Variants in STXBP5L observed in about 807,000 individuals in gnomAD.
The protein encoded by STXBP5L is syntaxin binding protein 5L, also known as syntaxin-binding protein 5-like.
A neutral mutation model predicts 144.5 loss-of-function variants in STXBP5L; 65 were observed. The observed-to-expected ratio is 0.45, with a 90% CI of 0.37 to 0.55. The LOEUF (loss-of-function observed/expected upper bound fraction) is 0.55. Ranked by LOEUF, STXBP5L falls within the 20% of genes least tolerant of loss-of-function variation. The probability of loss-of-function intolerance (pLI) is 0.00; values close to 1 mark genes in which losing one functional copy is unlikely to be tolerated. For missense variants in STXBP5L, 1,298 were observed against 1,405.5 expected (o/e 0.92, Z 1.22); for synonymous variants, 505 against 469.6 (o/e 1.08, Z -0.97).
intron 9 of STXBP5L, among the ~76,000 whole-genome samples, chr3:121,193,235 T>C (rs2047773775): frequency 7.0e-6 from 1 of 143,202 alleles, no homozygotes; most frequent in African/African-American, 2.6e-5. Context: ...TCATCATCAC[T>C]GGCCGTCAGA....
chr3:120,993,369 TTAA>T (rs1472184320), intron 3 of STXBP5L, among the ~76,000 whole-genome samples: 1 of 152,084 alleles, frequency 6.6e-6, no homozygotes, highest in Non-Finnish European at 1.5e-5. Flanking sequence ...ACAGTCTTTC[TTAA>T]TAAATCATTT....
intron 19 of STXBP5L, among the ~76,000 whole-genome samples, chr3:121,316,165 A>G (rs1275779263): frequency 1.3e-5 from 2 of 152,206 alleles, no homozygotes; most frequent in Admixed American, 6.5e-5. Context: ...CTGAATAACT[A>G]TATAGTATTT....
At chr3:121,344,090 C>T (rs531624535) in intron 20 of STXBP5L, among the ~76,000 whole-genome samples, 22 of 151,390 alleles carry the variant, frequency 1.5e-4, no homozygotes, top group South Asian at 4.2e-4. Context: ...TCAGAAATAA[C>T]GCCACATATC....
chr3:120,976,718 G>A (rs765943297), intron 3 of STXBP5L, among the ~76,000 whole-genome samples: 2 of 152,198 alleles, frequency 1.3e-5, no homozygotes, highest in African/African-American at 2.4e-5. Context: ...TGCTTTGAAT[G>A]TGTCCCAGTG....
chr3:120,912,586 A>T (rs1485971539), intron 2 of STXBP5L, among the ~76,000 whole-genome samples: 1 of 151,744 alleles, frequency 6.6e-6, no homozygotes, highest in Non-Finnish European at 1.5e-5. Flanking sequence ...GTTCAAAGTC[A>T]TAGAAATGGC....
chr3:121,050,994 T>C (rs1486063294), intron 5 of STXBP5L, among the ~76,000 whole-genome samples: 3 of 152,232 alleles, frequency 2.0e-5, no homozygotes, highest in Admixed American at 2.0e-4. Context: ...AAGAAGGCCA[T>C]TACATAATGG....
In STXBP5L at chr3:121,334,132, T is replaced by C. The variant is rs141904349; in HGVS notation, c.2176+15592T>C. On this transcript the variant is annotated intron_variant, in intron 20 of 26. Transcript: ENST00000471454. ...CATGTAAGACGTGACTTGCTCCTTT[T>C]TGCCTTCCACCATGATTGTGAAGCT... Among the ~76,000 whole-genome samples, 251 of 152,246 alleles carry C rather than the reference T, an allele frequency of 1.6e-3. 2 individuals are homozygous for C. Among genetic ancestry groups the C allele is most frequent in the African/African-American group, 5.6e-3 (231 of 41,568 alleles).
At chr3:121,101,437 C>T (rs1475883005) in intron 5 of STXBP5L, among the ~76,000 whole-genome samples, 2 of 152,076 alleles carry the variant, frequency 1.3e-5, no homozygotes, top group African/African-American at 2.4e-5. Context: ...GTTGATTCAA[C>T]ATATGCAAAT....
At chr3:121,346,687 T>C (rs1291547817) in intron 20 of STXBP5L, among the ~76,000 whole-genome samples, 2 of 152,216 alleles carry the variant, frequency 1.3e-5, no homozygotes, top group Non-Finnish European at 2.9e-5. Context: ...TTGATTTGCA[T>C]TGCTCTGATG....
In STXBP5L at chr3:120,933,319, C is replaced by T. The variant is rs1710066588; in HGVS notation, c.190-21621C>T. Among the ~76,000 whole-genome samples, 4 of 152,228 alleles carry T rather than the reference C, an allele frequency of 2.6e-5. No individual in the cohort carries two copies. In the South Asian group the frequency reaches 6.2e-4, roughly 24 times the overall value. On this transcript the variant is annotated intron_variant, in intron 2 of 26. Coordinates refer to ENST00000471454, the MANE Select transcript of STXBP5L (RefSeq NM_001308330.2). ...CTGATTTTTTACCTAAACTATGCAA[C>T]ATTAGCTGACGCAGTTATTTTAACT... is the stretch of plus-strand genomic sequence containing the variant.
chr3:121,192,436 A>G (rs999730983), intron 9 of STXBP5L, among the ~76,000 whole-genome samples: 1 of 152,248 alleles, frequency 6.6e-6, no homozygotes, highest in Admixed American at 6.5e-5. Context: ...CCATCAAGCT[A>G]TCAATGACTT....
chr3:121,390,576 A>T (rs566853430), intron 22 of STXBP5L, among the ~76,000 whole-genome samples: 1 of 152,312 alleles, frequency 6.6e-6, no homozygotes, highest in Non-Finnish European at 1.5e-5. Context: ...CTTGTATGGC[A>T]AGCCTGGTGG....
At chr3:121,349,774 T>C (rs1475282376) in intron 20 of STXBP5L, among the ~76,000 whole-genome samples, 1 of 152,122 alleles carries the variant, frequency 6.6e-6, no homozygotes, top group Non-Finnish European at 1.5e-5. Flanking sequence ...AGACTAGGAT[T>C]GCAACCCCTG....
At chr3:120,962,549 C>T (rs1938977163) in intron 3 of STXBP5L, among the ~76,000 whole-genome samples, 1 of 152,120 alleles carries the variant, frequency 6.6e-6, no homozygotes, top group African/African-American at 2.4e-5. Flanking sequence ...TTCCCCATTT[C>T]GTGTTTTTGT....
intron 3 of STXBP5L, among the ~76,000 whole-genome samples, chr3:121,025,493 A>C (rs1197145856): frequency 6.6e-6 from 1 of 152,138 alleles, no homozygotes; most frequent in African/African-American, 2.4e-5. Flanking sequence ...AGCAATTATC[A>C]GCTGAAGCTG....
chr3:121,406,485 A>G (rs558176458), intron 22 of STXBP5L, among the ~76,000 whole-genome samples: 85 of 152,178 alleles, frequency 5.6e-4, no homozygotes, highest in Admixed American at 1.9e-3. Flanking sequence ...ATATCCAAAG[A>G]TCAATAGAGC....
intron 5 of STXBP5L, among the ~76,000 whole-genome samples, chr3:121,078,458 C>T (rs1005132590): frequency 2.6e-4 from 39 of 152,382 alleles, no homozygotes; most frequent in Middle Eastern, 6.8e-3. Context: ...TGAGGAGCCC[C>T]GCTGTCGTCA....
chr3:121,105,794 T>TA (rs1343034301), intron 5 of STXBP5L, among the ~76,000 whole-genome samples: 1 of 152,052 alleles, frequency 6.6e-6, no homozygotes, highest in Non-Finnish European at 1.5e-5. Flanking sequence ...TTTATTTCTG[T>TA]AAAAAAAATT....
At chr3:120,980,348 A>G (rs1010462283) in intron 3 of STXBP5L, among the ~76,000 whole-genome samples, 12 of 151,890 alleles carry the variant, frequency 7.9e-5, no homozygotes, top group Non-Finnish European at 1.5e-4. Context: ...TTGTTTTGCT[A>G]TTTATCTCTT....
Sources: allele counts gnomAD v4.1 joint callset (sites outside exome capture counted in the v4.1 genomes callset), GRCh38; gene constraint gnomAD v4.1.1; transcripts MANE v1.5; gene names NCBI Gene and HGNC (gene_info 2026-07-23, HGNC 2026-07-21).